Variants in DOCK5 observed in about 807,000 individuals in gnomAD.
DOCK5 encodes the protein dedicator of cytokinesis 5.
In DOCK5, 142 loss-of-function variants were observed where a neutral mutation model predicts 251.8. The observed-to-expected ratio is 0.56, with a 90% CI of 0.49 to 0.65. The LOEUF (loss-of-function observed/expected upper bound fraction) is 0.65. Among genes scored for constraint, DOCK5 ranks in the 30% least tolerant of loss-of-function variants. The pLI is 0.00. For synonymous variants in DOCK5, 842 were observed against 835.5 expected (o/e 1.01, Z -0.13); for missense variants, 2,111 against 2,312.3 (o/e 0.91, Z 1.79).
chr8:25,333,549 G>T (rs1010118284), intron 20 of DOCK5, among the ~76,000 whole-genome samples: 1 of 152,154 alleles, frequency 6.6e-6, no homozygotes, highest in African/African-American at 2.4e-5. Context: ...GGCATAGATG[G>T]AAATCCCAAA....
chr8:25,323,723 G>T, intron 16 of DOCK5, 125 bp from the exon 17 acceptor site: 1 of 1,038,210 alleles, frequency 9.6e-7, no homozygotes, highest in South Asian at 1.4e-5. Context: ...ATTGCAGTTT[G>T]CTCAGTTGTG....
At chr8:25,223,434 C>T (rs1238241009) in intron 1 of DOCK5, among the ~76,000 whole-genome samples, 1 of 152,202 alleles carries the variant, frequency 6.6e-6, no homozygotes. Flanking sequence ...TCTACCTCAG[C>T]CTCTTGAGTA....
chr8:25,329,361 T>A (rs1239916389), intron 18 of DOCK5, among the ~76,000 whole-genome samples: 2 of 152,178 alleles, frequency 1.3e-5, no homozygotes, highest in Non-Finnish European at 2.9e-5. Context: ...CATGCCACCT[T>A]ACTTATTTTT....
intron 1 of DOCK5, among the ~76,000 whole-genome samples, chr8:25,235,048 G>A (rs1802759927): frequency 6.6e-6 from 1 of 152,118 alleles, no homozygotes; most frequent in Non-Finnish European, 1.5e-5. Flanking sequence ...GAGGGGAGGA[G>A]ACTGCTCTTT....
At chr8:25,206,800 A>G (rs185895231) in intron 1 of DOCK5, among the ~76,000 whole-genome samples, 74 of 152,360 alleles carry the variant, frequency 4.9e-4, no homozygotes, top group Non-Finnish European at 5.9e-4. Context: ...AAATACCAAT[A>G]TGTTTTGCCA....
intron 11 of DOCK5, among the ~76,000 whole-genome samples, chr8:25,307,233 C>G (rs1316812840): frequency 6.6e-6 from 1 of 152,100 alleles, no homozygotes; most frequent in East Asian, 1.9e-4. Flanking sequence ...ATTCTCCTGC[C>G]TCAGCCTCCT....
intron 23 of DOCK5, 61 bp downstream of exon 23, chr8:25,341,049 G>T: frequency 1.5e-6 from 2 of 1,297,728 alleles, no homozygotes; most frequent in African/African-American, 1.5e-5. Context: ...TTCTGGGACC[G>T]CTTAGAATTG....
intron 28 of DOCK5, among the ~76,000 whole-genome samples, chr8:25,361,823 G>A (rs374574841): frequency 1.1e-4 from 16 of 152,216 alleles, no homozygotes; most frequent in African/African-American, 3.9e-4. Context: ...TACCCAGCTT[G>A]ACCAGCATCT....
intron 28 of DOCK5, 104 bp from the exon 29 acceptor site, chr8:25,362,943 A>G (rs1800712709): frequency 1.2e-6 from 1 of 800,008 alleles, no homozygotes; most frequent in Non-Finnish European, 2.1e-6. Flanking sequence ...CTGTGGGGCT[A>G]GGAACATCCT....
At chr8:25,384,617 G>T (rs999940007) in intron 40 of DOCK5, among the ~76,000 whole-genome samples, 1 of 151,626 alleles carries the variant, frequency 6.6e-6, no homozygotes, top group Non-Finnish European at 1.5e-5. Context: ...GCACGACCAG[G>T]CCCAGCTAAT....
chr8:25,297,270 A>AT (rs1311282663), intron 7 of DOCK5, among the ~76,000 whole-genome samples: 379 of 113,210 alleles, frequency 3.3e-3, no homozygotes, highest in African/African-American at 6.9e-3. Flanking sequence ...AATTTTTGTA[A>AT]TTTTTTTTTT....
At chr8:25,404,951 T>C (rs987395303) in intron 48 of DOCK5, among the ~76,000 whole-genome samples, 19 of 152,202 alleles carry the variant, frequency 1.2e-4, no homozygotes, top group African/African-American at 4.6e-4. Flanking sequence ...ACTTTTTGTT[T>C]GTTTTTTGGT....
At chr8:25,213,503 A>AC (rs1170058853) in intron 1 of DOCK5, among the ~76,000 whole-genome samples, 2 of 150,908 alleles carry the variant, frequency 1.3e-5, no homozygotes, top group African/African-American at 4.9e-5. Context: ...GAAACTGGAG[A>AC]CCTGGTGTTT....
chr8:25,274,509 C>T (rs1039451408), intron 3 of DOCK5, among the ~76,000 whole-genome samples: 2 of 152,192 alleles, frequency 1.3e-5, no homozygotes, highest in Non-Finnish European at 2.9e-5. Flanking sequence ...AGATCTGGTC[C>T]TCTGTTCTCT....
intron 10 of DOCK5, 101 bp from the exon 11 acceptor site, chr8:25,304,154 T>C (rs963026304): frequency 8.0e-6 from 8 of 995,528 alleles, no homozygotes; most frequent in Non-Finnish European, 1.4e-6. Flanking sequence ...AGTACCTTTC[T>C]TCCTGCAGTG....
chr8:25,308,158 T>A (rs1438725147), intron 11 of DOCK5, among the ~76,000 whole-genome samples: 1 of 152,148 alleles, frequency 6.6e-6, no homozygotes, highest in Non-Finnish European at 1.5e-5. Flanking sequence ...AGGCTGTATT[T>A]GGTTCTTTGA....
intron 48 of DOCK5, among the ~76,000 whole-genome samples, chr8:25,405,619 G>A (rs1801509707): frequency 6.6e-6 from 1 of 152,028 alleles, no homozygotes; most frequent in Admixed American, 6.5e-5. Flanking sequence ...TCTGGCTAGT[G>A]TCGCTATTGC....
rs189630603 is a variant in DOCK5, at chr8:25,411,726, C to T, written c.*428C>T. On this transcript the variant is annotated 3_prime_UTR_variant, in exon 52 of 52. Transcript: ENST00000276440. ...GCTTGAGACTTAGGTACTTTTCTCA[C>T]GTGGACACACTGATCCCATCCCATA... 160 of 156,730 alleles carry T rather than the reference C, an allele frequency of 1.0e-3. 1 individual carries two copies. In the South Asian group the frequency reaches 0.015, roughly 15 times the overall value. The allele number at this position is 156,730 out of a possible 1,614,324, so 9.7% of individuals were successfully genotyped here. A position where few individuals can be genotyped will look rare whatever the true frequency, so the allele number is the denominator to read the frequency against.
At chr8:25,316,237 T>C (rs1439248034) in intron 13 of DOCK5, among the ~76,000 whole-genome samples, 3 of 152,166 alleles carry the variant, frequency 2.0e-5, no homozygotes, top group Non-Finnish European at 4.4e-5. Context: ...CCCAGCACTT[T>C]GGGAGGCTGA....
Sources: allele counts gnomAD v4.1 joint callset (sites outside exome capture counted in the v4.1 genomes callset), GRCh38; gene constraint gnomAD v4.1.1; transcripts MANE v1.5; gene names NCBI Gene and HGNC (gene_info 2026-07-23, HGNC 2026-07-21).